EZH1: variants seen among roughly 807,000 people sequenced by gnomAD.
The protein encoded by EZH1 is enhancer of zeste 1 polycomb repressive complex 2 subunit.
EZH1 carries 33 observed loss-of-function variants against 100.5 expected under a neutral mutation model. That is an observed-to-expected ratio of 0.33 (90% confidence interval 0.25 to 0.44). The LOEUF (loss-of-function observed/expected upper bound fraction) is 0.44, where lower values mean the gene tolerates loss of function less well. Among genes scored for constraint, EZH1 ranks in the 20% least tolerant of loss-of-function variants. The pLI is 1.00. For missense variants in EZH1, 475 were observed against 928.4 expected, an observed-to-expected ratio of 0.51 and a Z score of 6.35; for synonymous variants, 272 against 313.8, an observed-to-expected ratio of 0.87 and a Z score of 1.41.
At chr17:42,728,467 C>T (rs1193140912) in intron 3 of EZH1, among the ~76,000 whole-genome samples, 7 of 146,486 alleles carry the variant, frequency 4.8e-5, no homozygotes, top group African/African-American at 1.5e-4. Context: ...CTGGGCCAGG[C>T]GCGGTGGCTC....
chr17:42,738,199 T>C (rs1482532894), intron 1 of EZH1, among the ~76,000 whole-genome samples: 1 of 150,666 alleles, frequency 6.6e-6, no homozygotes, highest in African/African-American at 2.4e-5. Context: ...AAAAAAAAAT[T>C]TAAGGAACAA....
chr17:42,727,767 G>C lies in EZH1; in HGVS notation c.118-4C>G, dbSNP rs1287434208. The stretch of plus-strand genomic sequence containing the variant: ...CAAAATTTGCCACATACAAAGCCTA[G>C]CAAAGCCATGGAAAAGATTAAGATA... On this transcript the variant is annotated splice_polypyrimidine_tract_variant and splice_region_variant and intron_variant, in intron 3 of 20. Coordinates refer to ENST00000428826, the MANE Select transcript of EZH1 (RefSeq NM_001991.5). 6.3e-7 allele frequency: 1 copy of C among 1,586,848 alleles called. No individual in the cohort carries two copies.
At chr17:42,721,230 C>T (rs1220368031) in intron 6 of EZH1, among the ~76,000 whole-genome samples, 2 of 152,162 alleles carry the variant, frequency 1.3e-5, no homozygotes, top group African/African-American at 4.8e-5. Context: ...TGTAGTTCAA[C>T]AGCATCACAA....
chr17:42,740,464 T>C (rs527853399), intron 1 of EZH1, among the ~76,000 whole-genome samples: 2 of 152,262 alleles, frequency 1.3e-5, no homozygotes, highest in South Asian at 2.1e-4. Context: ...TCTCGATCTC[T>C]TGACCTTGTG....
At chr17:42,722,685 A>T in intron 6 of EZH1, 110 bp downstream of exon 6, 1 of 1,007,110 alleles carries the variant, frequency 9.9e-7, no homozygotes, top group Non-Finnish European at 1.4e-6. Flanking sequence ...AATATTCTGC[A>T]GTGTGTACCC....
chr17:42,721,899 C>T (rs192385562), intron 6 of EZH1, among the ~76,000 whole-genome samples: 42 of 151,940 alleles, frequency 2.8e-4, no homozygotes, highest in African/African-American at 1.0e-3. Flanking sequence ...CGCCTGTAAT[C>T]CCAGCACTTT....
chr17:42,728,775 G>C (rs1432035534), intron 3 of EZH1, 50 bp downstream of exon 3: 1 of 1,581,256 alleles, frequency 6.3e-7, no homozygotes, highest in Non-Finnish European at 8.6e-7. Context: ...CCTTTACACT[G>C]GGTCAGTATA....
At chr17:42,738,345 C>G (rs897596779) in intron 1 of EZH1, among the ~76,000 whole-genome samples, 7 of 151,968 alleles carry the variant, frequency 4.6e-5, no homozygotes, top group Non-Finnish European at 1.0e-4. Context: ...GATAGTTTCT[C>G]TTGAATAATA....
intron 14 of EZH1, 139 bp from the exon 15 acceptor site, chr17:42,708,222 A>C: frequency 9.9e-7 from 1 of 1,011,440 alleles, no homozygotes; most frequent in East Asian, 2.7e-5. Context: ...CTGAAGTGAG[A>C]AGACAGGGAT....
At position 42,710,803 on chromosome 17, in the gene EZH1, T is replaced by TTTC. The variant is rs1555647063; in HGVS notation, c.1402-867_1402-866insGAA. ...GTGGCTTTTTTTTTTTTTTTTTTTT[T>TTTC]GTAGAAATGGGGTCTCACTTTGTTG... is the stretch of plus-strand genomic sequence containing the variant. On this transcript the variant is annotated intron_variant, in intron 12 of 20. Transcript: ENST00000428826. 9.5e-4 allele frequency among the ~76,000 whole-genome samples: 140 copies of TTTC among 147,208 alleles called. 1 individual carries two copies. Among genetic ancestry groups the TTTC allele is most frequent in the Middle Eastern group, 3.4e-3 (1 of 292 alleles).
intron 14 of EZH1, among the ~76,000 whole-genome samples, chr17:42,708,591 G>A (rs2053409792): frequency 6.6e-6 from 1 of 152,162 alleles, no homozygotes; most frequent in Non-Finnish European, 1.5e-5. Flanking sequence ...GGAGGCGGAG[G>A]TTGCAGTGAG....
intron 10 of EZH1, among the ~76,000 whole-genome samples, chr17:42,714,081 TC>T (rs139513533): frequency 0.032 from 4,878 of 152,242 alleles, 266 homozygotes; most frequent in African/African-American, 0.11. Flanking sequence ...TGAAACTTCC[TC>T]CCAAATCTGT....
At chr17:42,737,483 G>A (rs2054088624) in intron 1 of EZH1, among the ~76,000 whole-genome samples, 1 of 152,102 alleles carries the variant, frequency 6.6e-6, no homozygotes, top group Admixed American at 6.6e-5. Context: ...TGTGCTTCTA[G>A]TCCCAGCTAC....
At position 42,709,301 on chromosome 17, in the gene EZH1, ATCT is replaced by A. The variant is rs1397643443; in HGVS notation, c.1494-388_1494-386del. On this transcript the variant is annotated intron_variant, in intron 13 of 20. Coordinates refer to ENST00000428826, the MANE Select transcript of EZH1 (RefSeq NM_001991.5). ...GGGGAGGTGGGAAGGCCTTTCAGGAATCTTCTCTGAAAGAACTGAAAGGGAGGA... is the reference window on the plus strand; with the variant it reads ...GGGGAGGTGGGAAGGCCTTTCAGGAATCTCTGAAAGAACTGAAAGGGAGGA... 4.4e-5 allele frequency: 10 copies of A among 225,324 alleles called. No homozygotes were observed. In the East Asian group the frequency reaches 9.6e-4, roughly 22 times the overall value. The allele number at this position is 225,324 out of a possible 1,614,324, so 14.0% of individuals were successfully genotyped here. A position where few individuals can be genotyped will look rare whatever the true frequency, so the allele number is the denominator to read the frequency against.
chr17:42,735,969 C>T (rs1232662114), intron 1 of EZH1, among the ~76,000 whole-genome samples: 1 of 151,408 alleles, frequency 6.6e-6, no homozygotes, highest in Non-Finnish European at 1.5e-5. Flanking sequence ...TGGGAGACAG[C>T]GAGACTCCGT....
intron 2 of EZH1, 150 bp from the exon 3 acceptor site, chr17:42,729,102 T>C: frequency 1.4e-6 from 1 of 737,756 alleles, no homozygotes; most frequent in Non-Finnish European, 2.1e-6. Flanking sequence ...ATGTGTGAGT[T>C]CAACAGAAAG....
At chr17:42,740,622 T>C (rs2054159100) in intron 1 of EZH1, among the ~76,000 whole-genome samples, 1 of 152,162 alleles carries the variant, frequency 6.6e-6, no homozygotes, top group Non-Finnish European at 1.5e-5. Flanking sequence ...AGGGTTGAGA[T>C]TACAGACATG....
rs111831393 is a variant in EZH1 at position 42,703,913 on chromosome 17, A to G, written c.2018-93T>C. ...TAAAATCAGTTAAATGGTAACAGAA[A>G]CACTTTAGTCTGATGGGAATGTTGA... On this transcript the variant is annotated intron_variant, in intron 18 of 20. Coordinates refer to ENST00000428826, the MANE Select transcript of EZH1 (RefSeq NM_001991.5). The G allele has an allele frequency of 2.7e-5, 25 of 912,844 alleles. 2 individuals carry two copies. Among genetic ancestry groups the G allele is most frequent in the African/African-American group, 2.3e-4 (14 of 61,748 alleles). 56.5% of individuals were successfully genotyped at this position (912,844 alleles called of 1,614,324 possible). A position where few individuals can be genotyped will look rare whatever the true frequency, so the allele number is the denominator to read the frequency against.
chr17:42,706,311 G>C lies in EZH1; in HGVS notation c.1661-126C>G. 1 of 771,934 alleles carries C rather than the reference G, an allele frequency of 1.3e-6. No individual in the cohort carries two copies. Among genetic ancestry groups the C allele is most frequent in the Non-Finnish European group, 1.9e-6 (1 of 523,828 alleles). The allele number at this position is 771,934 out of a possible 1,614,324, so 47.8% of individuals were successfully genotyped here. ...AGGATGTTTGGCAAAATAAGAGGAA[G>C]CTCCCTTCCCAATAATCAAATACAC... On this transcript the variant is annotated intron_variant, in intron 15 of 20. Transcript: ENST00000428826. This position sits in a 1 kb window ranked among gnomAD's most constrained non-coding sequence, Gnocchi z 4.4.
Sources: allele counts gnomAD v4.1 joint callset (sites outside exome capture counted in the v4.1 genomes callset), GRCh38; gene constraint gnomAD v4.1.1; non-coding constraint Gnocchi (gnomAD v3.1); transcripts MANE v1.5; gene names NCBI Gene and HGNC (gene_info 2026-07-23, HGNC 2026-07-21).